Variants in DOCK1 observed in about 807,000 individuals in gnomAD.
The protein encoded by DOCK1 is dedicator of cytokinesis 1.
A neutral mutation model predicts 262.7 loss-of-function variants in DOCK1; 138 were observed. The observed-to-expected ratio is 0.53, with a 90% CI of 0.46 to 0.61. DOCK1 has a LOEUF of 0.61. Ranked by LOEUF, DOCK1 falls within the 20% of genes least tolerant of loss-of-function variation. DOCK1 has a pLI of 0.00. For missense variants in DOCK1, 1,908 were observed against 2,370.7 expected (o/e 0.80, Z 4.05); for synonymous variants, 866 against 867.4 (o/e 1.00, Z 0.03).
At chr10:127,353,589 T>G (rs986142625) in intron 31 of DOCK1, among the ~76,000 whole-genome samples, 7 of 152,198 alleles carry the variant, frequency 4.6e-5, no homozygotes, top group African/African-American at 1.7e-4. Flanking sequence ...TCACCTGGTT[T>G]AGGGCTGCGC....
At chr10:127,407,442 G>T (rs761613177) in intron 40 of DOCK1, among the ~76,000 whole-genome samples, 25 of 152,060 alleles carry the variant, frequency 1.6e-4, no homozygotes, top group Non-Finnish European at 3.1e-4. Context: ...CTTTCCAGAG[G>T]CCCCACCTTC....
At chr10:127,408,160 G>A (rs769677906) in intron 40 of DOCK1, among the ~76,000 whole-genome samples, 1 of 152,106 alleles carries the variant, frequency 6.6e-6, no homozygotes, top group East Asian at 1.9e-4. Flanking sequence ...AGACAGCCTC[G>A]TGGAAGGAAG....
intron 25 of DOCK1, among the ~76,000 whole-genome samples, chr10:127,111,408 C>A (rs1223160602): frequency 6.6e-6 from 1 of 152,162 alleles, no homozygotes; most frequent in African/African-American, 2.4e-5. Flanking sequence ...TCTCTTTAGT[C>A]AGAAACCACT....
At chr10:127,216,656 G>A (rs1423430845) in intron 27 of DOCK1, among the ~76,000 whole-genome samples, 4 of 152,114 alleles carry the variant, frequency 2.6e-5, no homozygotes, top group African/African-American at 9.7e-5. Context: ...AATAATAATA[G>A]TAATGCACCC....
chr10:127,313,739 GTGCTTTCAGGATA>G (rs940793218), intron 29 of DOCK1, among the ~76,000 whole-genome samples: 13 of 152,062 alleles, frequency 8.5e-5, no homozygotes, highest in African/African-American at 2.9e-4. Flanking sequence ...CCCTTTGGAG[GTGCTTTCAGGATA>G]TGCTGCCTAA....
At chr10:127,340,950 T>C (rs1291573569) in intron 30 of DOCK1, among the ~76,000 whole-genome samples, 1 of 152,246 alleles carries the variant, frequency 6.6e-6, no homozygotes, top group African/African-American at 2.4e-5. Flanking sequence ...TATTTCATTT[T>C]TCTGTAGTGA....
intron 29 of DOCK1, among the ~76,000 whole-genome samples, chr10:127,320,803 C>G (rs569735402): frequency 5.3e-5 from 8 of 152,252 alleles, no homozygotes; most frequent in African/African-American, 1.7e-4. Context: ...AACCCTGGAT[C>G]TGGGGCTCCG....
chr10:126,907,579 C>T (rs939450985), intron 1 of DOCK1, among the ~76,000 whole-genome samples: 1 of 152,126 alleles, frequency 6.6e-6, no homozygotes, highest in African/African-American at 2.4e-5. Flanking sequence ...GAGGGCTTCT[C>T]TTTGGGACGC....
chr10:126,998,085 TAC>T lies in DOCK1; in HGVS notation c.610-3_610-2del, dbSNP rs749031067. 4 of 1,613,854 alleles carry T rather than the reference TAC, an allele frequency of 2.5e-6. No homozygotes were observed. The highest frequency in any genetic ancestry group is 3.4e-6 in the Non-Finnish European group (4 of 1,179,866). On this transcript the variant is annotated splice_polypyrimidine_tract_variant and splice_region_variant and intron_variant, in intron 7 of 51. Transcript: ENST00000623213. ...GGGGTTGACTTTCTGTTTCCTTCCATACACAGTCTCAAAAGCAGAACATAGAT... is the reference window on the plus strand; with the variant it reads ...GGGGTTGACTTTCTGTTTCCTTCCATACAGTCTCAAAAGCAGAACATAGAT...
intron 33 of DOCK1, among the ~76,000 whole-genome samples, chr10:127,370,088 A>G (rs1349023119): frequency 6.6e-6 from 1 of 152,060 alleles, no homozygotes; most frequent in African/African-American, 2.4e-5. Context: ...TCAGGGGGTA[A>G]GGTGTGGTTG....
At chr10:127,169,383 C>A (rs1169833926) in intron 27 of DOCK1, among the ~76,000 whole-genome samples, 3 of 152,210 alleles carry the variant, frequency 2.0e-5, no homozygotes, top group Non-Finnish European at 4.4e-5. Flanking sequence ...TTGGCAGAAA[C>A]CTTCTAAATG....
At chr10:127,326,470 C>T (rs1366612796) in intron 29 of DOCK1, among the ~76,000 whole-genome samples, 1 of 152,222 alleles carries the variant, frequency 6.6e-6, no homozygotes, top group African/African-American at 2.4e-5. Context: ...AACTCCTTAT[C>T]CATCCAAGTT....
intron 29 of DOCK1, among the ~76,000 whole-genome samples, chr10:127,311,704 A>G (rs948091008): frequency 6.6e-6 from 1 of 152,106 alleles, no homozygotes; most frequent in Non-Finnish European, 1.5e-5. Flanking sequence ...GTCTCTGCAC[A>G]GCTGATTGTG....
chr10:127,287,822 C>T (rs1220389014), intron 29 of DOCK1, among the ~76,000 whole-genome samples: 1 of 152,126 alleles, frequency 6.6e-6, no homozygotes, highest in Non-Finnish European at 1.5e-5. Context: ...TATCCAGATT[C>T]CTTCAATATA....
intron 29 of DOCK1, among the ~76,000 whole-genome samples, chr10:127,295,250 G>T (rs531151364): frequency 1.3e-5 from 2 of 152,276 alleles, no homozygotes; most frequent in Admixed American, 1.3e-4. Context: ...CCTGGCAGAA[G>T]GCAGAAGGAG....
chr10:127,438,918 C>A (rs2069878936), intron 48 of DOCK1, 109 bp from the exon 49 acceptor site: 1 of 1,197,164 alleles, frequency 8.4e-7, no homozygotes, highest in Non-Finnish European at 1.2e-6. Context: ...CCTTTTAAAT[C>A]ACTGCTTTCA....
At chr10:127,326,806 A>C (rs1336108677) in intron 29 of DOCK1, among the ~76,000 whole-genome samples, 2 of 152,266 alleles carry the variant, frequency 1.3e-5, no homozygotes, top group African/African-American at 4.8e-5. Context: ...TTAAATAATA[A>C]GACTTGAAAG....
intron 38 of DOCK1, among the ~76,000 whole-genome samples, chr10:127,388,275 G>T (rs1200442199): frequency 2.0e-5 from 3 of 152,232 alleles, no homozygotes; most frequent in East Asian, 3.9e-4. Context: ...AGTTTTAGGA[G>T]GATTTTCTTC....
At position 127,206,358 on chromosome 10, in the gene DOCK1, G is replaced by A. The variant is rs575659071; in HGVS notation, c.2848-41650G>A. 2.6e-5 allele frequency among the ~76,000 whole-genome samples: 4 copies of A among 152,124 alleles called. No homozygotes were observed. The East Asian group carries it at 7.7e-4, about 29-fold the overall frequency. The stretch of plus-strand genomic sequence containing the variant: ...AGGGTTTTGCCATGTTGGCCAGGCT[G>A]GTCTCAAACTCGTGACCTCAAGTGA... On this transcript the variant is annotated intron_variant, in intron 27 of 51. Transcript: ENST00000623213.
Sources: allele counts gnomAD v4.1 joint callset (sites outside exome capture counted in the v4.1 genomes callset), GRCh38; gene constraint gnomAD v4.1.1; transcripts MANE v1.5; gene names NCBI Gene and HGNC (gene_info 2026-07-23, HGNC 2026-07-21).